The following SRPX variants were observed in gnomAD, a reference collection of about 807,000 sequenced individuals.
SRPX encodes the protein sushi repeat containing protein X-linked, also known as sushi repeat-containing protein SRPX.
A neutral mutation model predicts 38.1 loss-of-function variants in SRPX; 24 were observed. The ratio of observed to expected loss-of-function variants is 0.63; its 90% CI spans 0.46 to 0.89. The LOEUF is 0.89. SRPX is among the 40% of genes least tolerant of loss of function. SRPX has a pLI of 0.00. For synonymous variants in SRPX, 184 were observed against 153.8 expected (o/e 1.20, Z -1.45); for missense variants, 416 against 377.8 (o/e 1.10, Z -0.84).
At chrX:38,181,592 T>A (rs1418699951) in intron 1 of SRPX, among the ~76,000 whole-genome samples, 2 of 111,139 alleles carry the variant, frequency 1.8e-5, no homozygotes, top group East Asian at 5.7e-4. Flanking sequence ...CTAGCCTGAG[T>A]GATAGGAGGA....
intron 1 of SRPX, among the ~76,000 whole-genome samples, chrX:38,204,330 CA>C: frequency 8.9e-6 from 1 of 112,085 alleles, no homozygotes; most frequent in South Asian, 3.7e-4. Context: ...AGACATATTA[CA>C]AAACTACAGT....
intron 1 of SRPX, among the ~76,000 whole-genome samples, chrX:38,205,100 T>C (rs1038548559): frequency 8.9e-6 from 1 of 112,010 alleles, no homozygotes; most frequent in Non-Finnish European, 1.9e-5. Context: ...TGGCTAGCAA[T>C]TTGCGGGTGT....
Position 38,154,467 on chromosome X carries a change from C to G in SRPX, c.1206G>C (p.Gln402His). 1 of 1,203,838 alleles carries G rather than the reference C, an allele frequency of 8.3e-7. No homozygotes were observed. Among genetic ancestry groups the G allele is most frequent in the African/African-American group, 1.7e-5 (1 of 57,705 alleles). ...AKIMPPALAL[Q>H]LRLLLRIPLY... Reference sequence around the variant, plus strand: ...AGAACAGAACTTCCCCCTACCTGAGCTGCAGCGCTAGGGCTGGAGGCATAA... The same window carrying G: ...AGAACAGAACTTCCCCCTACCTGAGGTGCAGCGCTAGGGCTGGAGGCATAA... Residue 402 changes from glutamine to histidine, a missense_variant, in exon 9 of 10, where the codon CAG becomes CAC. Gln to His is a conservative substitution (Grantham distance 24). Coordinates refer to ENST00000378533, the MANE Select transcript of SRPX (RefSeq NM_006307.5).
chrX:38,169,393 G>A (rs1938424598), intron 4 of SRPX, among the ~76,000 whole-genome samples: 1 of 112,119 alleles, frequency 8.9e-6, no homozygotes, highest in Non-Finnish European at 1.9e-5. Flanking sequence ...TGGGACACAA[G>A]AAACGTATGC....
At chrX:38,157,247 T>G (rs1262702237) in intron 7 of SRPX, among the ~76,000 whole-genome samples, 1 of 111,525 alleles carries the variant, frequency 9.0e-6, no homozygotes, top group Non-Finnish European at 1.9e-5. Flanking sequence ...CACCATAAAC[T>G]TAGTGACTTA....
At chrX:38,191,865 A>C (rs1471558154) in intron 1 of SRPX, among the ~76,000 whole-genome samples, 1 of 112,238 alleles carries the variant, frequency 8.9e-6, no homozygotes, top group Non-Finnish European at 1.9e-5. Flanking sequence ...TCCCAAGTTG[A>C]TAATCAGAAT....
intron 1 of SRPX, among the ~76,000 whole-genome samples, chrX:38,211,825 A>C (rs1939329672): frequency 8.9e-6 from 1 of 111,886 alleles, no homozygotes; most frequent in Non-Finnish European, 1.9e-5. Context: ...TCTTCCTGAC[A>C]TCCCCAATTC....
At chrX:38,184,571 T>A (rs1170670037) in intron 1 of SRPX, among the ~76,000 whole-genome samples, 1 of 111,591 alleles carries the variant, frequency 9.0e-6, no homozygotes, top group Non-Finnish European at 1.9e-5. Context: ...ATTGAACATG[T>A]TTTTTGGTAC....
intron 1 of SRPX, among the ~76,000 whole-genome samples, chrX:38,179,866 G>C (rs1227652206): frequency 9.0e-6 from 1 of 111,692 alleles, no homozygotes; most frequent in African/African-American, 3.3e-5. Context: ...AGAAACTAGG[G>C]AGGCTGAGTG....
At chrX:38,184,784 C>A (rs1938740779) in intron 1 of SRPX, among the ~76,000 whole-genome samples, 1 of 111,529 alleles carries the variant, frequency 9.0e-6, no homozygotes. Context: ...GAGAGAGAAG[C>A]AAATATGTTT....
chrX:38,178,128 A>G (rs749165400), intron 2 of SRPX, among the ~76,000 whole-genome samples, 157 bp downstream of exon 2: 2 of 111,760 alleles, frequency 1.8e-5, no homozygotes, highest in South Asian at 3.7e-4. Flanking sequence ...TCCTTTTTTA[A>G]AAAAGGGAGT....
chrX:38,205,132 G>A (rs1417320993), intron 1 of SRPX, among the ~76,000 whole-genome samples: 20 of 112,457 alleles, frequency 1.8e-4, no homozygotes. Flanking sequence ...AGTCCAGTGA[G>A]AGAGACAGAG....
intron 1 of SRPX, among the ~76,000 whole-genome samples, chrX:38,209,226 C>T (rs1939272590): frequency 9.0e-6 from 1 of 110,626 alleles, no homozygotes; most frequent in Non-Finnish European, 1.9e-5. Context: ...GTTGTCTCAT[C>T]TATTTTCACT....
At chrX:38,168,963 G>A (rs1328514398) in intron 4 of SRPX, among the ~76,000 whole-genome samples, 1 of 112,058 alleles carries the variant, frequency 8.9e-6, no homozygotes, top group Admixed American at 9.4e-5. Context: ...GACCAGCCTG[G>A]ACGACATAGC....
intron 1 of SRPX, among the ~76,000 whole-genome samples, chrX:38,206,932 C>T: frequency 8.9e-6 from 1 of 112,073 alleles, no homozygotes; most frequent in Non-Finnish European, 1.9e-5. Context: ...AGAATGATCC[C>T]TGCCAGACAT....
intron 1 of SRPX, among the ~76,000 whole-genome samples, chrX:38,213,044 C>T (rs1939359683): frequency 8.9e-6 from 1 of 112,733 alleles, no homozygotes; most frequent in African/African-American, 3.2e-5. Context: ...GCACCATTGG[C>T]TGACTCTGGC....
At chrX:38,156,790 C>A in intron 8 of SRPX, 106 bp downstream of exon 8, 2 of 962,288 alleles carry the variant, frequency 2.1e-6, no homozygotes, top group South Asian at 5.2e-5. Context: ...CTGAAACTCA[C>A]TGTAAGTGCA....
At chrX:38,198,479 G>A (rs1237818468) in intron 1 of SRPX, among the ~76,000 whole-genome samples, 1 of 112,295 alleles carries the variant, frequency 8.9e-6, no homozygotes, top group African/African-American at 3.2e-5. Context: ...GAGCCTTGGA[G>A]CACAGAAAAT....
Position 38,160,873 on chromosome X carries a change from C to G in SRPX, c.775+60G>C. 4 of 1,178,043 alleles carry G rather than the reference C, an allele frequency of 3.4e-6. No individual in the cohort carries two copies. In the South Asian group the frequency reaches 7.8e-5, roughly 23 times the overall value. On this transcript the variant is annotated intron_variant, in intron 6 of 9. Transcript: ENST00000378533. Reference sequence around the variant, plus strand: ...CTTGAGAGAGTTCTGGCTTGAGGACCTACTTCCCTTTGCTCTTCTAAAGAG... The same window carrying G: ...CTTGAGAGAGTTCTGGCTTGAGGACGTACTTCCCTTTGCTCTTCTAAAGAG...
Sources: gnomAD v4.1 joint callset for allele counts (sites outside exome capture counted in the v4.1 genomes callset) on GRCh38, gnomAD v4.1.1 for gene constraint, MANE v1.5 for transcripts, NCBI Gene and HGNC (gene_info 2026-07-23, HGNC 2026-07-21) for gene names.